The following TUBAL3 variants were observed in gnomAD, a reference collection of about 807,000 sequenced individuals.
The protein encoded by TUBAL3 is tubulin alpha like 3, also known as tubulin alpha chain-like 3.
TUBAL3 carries 16 observed loss-of-function variants against 15.5 expected under a neutral mutation model. That is an observed-to-expected ratio of 1.04 (90% confidence interval 0.70 to 1.57). The LOEUF (loss-of-function observed/expected upper bound fraction) is 1.57. TUBAL3 is among the 40% of genes most tolerant of loss of function. The pLI is 0.00. For synonymous variants in TUBAL3, 238 were observed against 224.3 expected (o/e 1.06, Z -0.55); for missense variants, 609 against 576.2 (o/e 1.06, Z -0.58).
intron 1 of TUBAL3, among the ~76,000 whole-genome samples, chr10:5,401,308 T>G (rs1831848252): frequency 6.6e-6 from 1 of 152,222 alleles, no homozygotes; most frequent in Admixed American, 6.5e-5. Context: ...ATTAAAAAGT[T>G]TATTTTAACA....
intron 1 of TUBAL3, among the ~76,000 whole-genome samples, chr10:5,403,590 TC>T (rs1298758592): frequency 6.6e-6 from 1 of 152,026 alleles, no homozygotes; most frequent in Non-Finnish European, 1.5e-5. Flanking sequence ...TTCAAGTGAC[TC>T]AGAAAGCAGA....
In TUBAL3 at chr10:5,395,333, C is replaced by A; in HGVS notation, c.390G>T (p.Arg130=). 6.4e-7 allele frequency: 1 copy of A among 1,552,676 alleles called. No homozygotes were observed. The highest frequency in any genetic ancestry group is 8.8e-7 in the Non-Finnish European group (1 of 1,142,118). ...GAGAGGGGGAGCCACTTGCCAGCTTCCGGGTCCTCTCCAGCACAAGGTCGA... is the reference window on the plus strand; with the variant it reads ...GAGAGGGGGAGCCACTTGCCAGCTTACGGGTCCTCTCCAGCACAAGGTCGA... ...EVIDLVLERT[R]KLAEQCGGLQ... Residue 130 remains arginine (R), a synonymous_variant, in exon 3 of 4, where the codon CGG becomes CGT. Coordinates refer to ENST00000380419, the MANE Select transcript of TUBAL3 (RefSeq NM_024803.3). The surrounding 1 kb of genome is among the most constrained non-coding windows in gnomAD (Gnocchi z 4.6).
rs879968561 is a variant in TUBAL3, at chr10:5,401,205, T to A, written c.4-118A>T. On this transcript the variant is annotated intron_variant, in intron 1 of 3. Coordinates refer to ENST00000380419, the MANE Select transcript of TUBAL3 (RefSeq NM_024803.3). ...AAGCTAGCTTAAGGCCACGGAGGAA[T>A]GTGTTATAAGGATAATCAAAAGCGT... The A allele has an allele frequency of 2.4e-6, 3 of 1,262,958 alleles. No individual in the cohort carries two copies. In the Admixed American group the frequency reaches 6.3e-5, roughly 27 times the overall value. 78.2% of individuals were successfully genotyped at this position (1,262,958 alleles called of 1,614,324 possible). A position where few individuals can be genotyped will look rare whatever the true frequency, so the allele number is the denominator to read the frequency against.
Position 5,397,615 on chromosome 10 carries a change from A to C in TUBAL3, c.248-2140T>G, listed in dbSNP as rs1178275953. On this transcript the variant is annotated intron_variant, in intron 2 of 3. Coordinates refer to ENST00000380419, the MANE Select transcript of TUBAL3 (RefSeq NM_024803.3). This position sits in a 1 kb window ranked among gnomAD's most constrained non-coding sequence, Gnocchi z 4.9. ...TGCCATCCACTCTAACTTCCCGGGCACAGGTTGCTCAGGGGCTTTACTACC... is the reference window on the plus strand; with the variant it reads ...TGCCATCCACTCTAACTTCCCGGGCCCAGGTTGCTCAGGGGCTTTACTACC... 6.6e-6 allele frequency among the ~76,000 whole-genome samples: 1 copy of C among 152,182 alleles called. No individual in the cohort carries two copies. Among genetic ancestry groups the C allele is most frequent in the Non-Finnish European group, 1.5e-5 (1 of 68,036 alleles).
chr10:5,402,382 G>A (rs564250235), intron 1 of TUBAL3, among the ~76,000 whole-genome samples: 2 of 152,332 alleles, frequency 1.3e-5, no homozygotes, highest in African/African-American at 4.8e-5. Flanking sequence ...TTGATTGACT[G>A]TGGTGCTGAA....
rs1193548924 is a variant in TUBAL3 at position 5,394,954 on chromosome 10, T to C, written c.396+373A>G. On this transcript the variant is annotated intron_variant, in intron 3 of 3. Coordinates refer to ENST00000380419, the MANE Select transcript of TUBAL3 (RefSeq NM_024803.3). The surrounding 1 kb of genome is among the most constrained non-coding windows in gnomAD (Gnocchi z 4.3). ...GTAAATAGAGTCACGCATCTCCAGA[T>C]AGGGAGTGCCTCTTGCTAACTTCAT... Among the ~76,000 whole-genome samples, 3 of 152,196 alleles carry C rather than the reference T, an allele frequency of 2.0e-5. No individual in the cohort carries two copies. Among genetic ancestry groups the C allele is most frequent in the Non-Finnish European group, 4.4e-5 (3 of 68,030 alleles).
chr10:5,393,521 A>G lies in TUBAL3; in HGVS notation c.1337T>C (p.Phe446Ser). ...ERDYEEVAQS[F>S] ...TTTGCACCCATCATACATGCCTCAG[A>G]AACTTTGCGCCACTTCCTCATAGTC... is the stretch of plus-strand genomic sequence containing the variant. The change falls in exon 4 of 4, where the codon TTC becomes TCC. Residue 446 changes from phenylalanine (F) to serine (S), a missense_variant. Transcript: ENST00000380419. 1 of 1,599,806 alleles carries G rather than the reference A, an allele frequency of 6.3e-7. No homozygotes were observed. The highest frequency in any genetic ancestry group is 8.5e-7 in the Non-Finnish European group (1 of 1,173,328).
At chr10:5,399,913 T>G (rs553021059) in intron 2 of TUBAL3, among the ~76,000 whole-genome samples, 1 of 152,328 alleles carries the variant, frequency 6.6e-6, no homozygotes, top group African/African-American at 2.4e-5. Flanking sequence ...CAATCATTAT[T>G]GCCTTAAACC....
intron 2 of TUBAL3, among the ~76,000 whole-genome samples, chr10:5,399,215 T>C (rs1831810584): frequency 6.6e-6 from 1 of 152,234 alleles, no homozygotes; most frequent in African/African-American, 2.4e-5. Flanking sequence ...AAAATACCTG[T>C]GCAGTTCCCC....
rs782077337 is a variant in TUBAL3 at position 5,393,635 on chromosome 10, T to C, written c.1223A>G (p.Lys408Arg). The C allele has an allele frequency of 7.4e-6, 12 of 1,614,224 alleles. No individual in the cohort carries two copies. The highest frequency in any genetic ancestry group is 1.0e-5 in the Non-Finnish European group (12 of 1,180,042). Residue 408 changes from lysine (K) to arginine (R), a missense_variant, in exon 4 of 4, where the codon AAG (lysine) becomes AGG (arginine). Lys to Arg is a conservative substitution (Grantham distance 26). Transcript: ENST00000380419. ...GAGGTACCAGTGCAGAAATGCTCTCTTGGCGTACATGAGGTCAAACTTGTG... is the reference window on the plus strand; with the variant it reads ...GAGGTACCAGTGCAGAAATGCTCTCCTGGCGTACATGAGGTCAAACTTGTG... ...LDHKFDLMYA[K>R]RAFLHWYLRE...
In TUBAL3 at chr10:5,400,985, C is replaced by T. The variant is rs1554814596; in HGVS notation, c.106G>A (p.Val36Ile). The T allele has an allele frequency of 1.1e-5, 17 of 1,614,098 alleles. No homozygotes were observed. The highest frequency in any genetic ancestry group is 1.4e-5 in the Non-Finnish European group (17 of 1,180,048). ...AGCTGATCCTGTTGAGTGTCAAGAA[C>T]AACGCCATTTGGCTGGATTCCATGT... ...LEHGIQPNGV[V>I]LDTQQDQLEN... Residue 36 changes from valine (V) to isoleucine (I), a missense_variant, in exon 2 of 4, where the codon GTT (valine) becomes ATT (isoleucine). Transcript: ENST00000380419.
Position 5,393,456 on chromosome 10 carries a change from C to T in TUBAL3, c.*61G>A, listed in dbSNP as rs1048772793. 1.6e-5 allele frequency: 24 copies of T among 1,458,444 alleles called. No individual in the cohort carries two copies. Among genetic ancestry groups the T allele is most frequent in the East Asian group, 6.8e-5 (3 of 43,898 alleles). The allele number at this position is 1,458,444 out of a possible 1,614,324, so 90.3% of individuals were successfully genotyped here. A position where few individuals can be genotyped will look rare whatever the true frequency, so the allele number is the denominator to read the frequency against. Reference sequence around the variant, plus strand: ...GGGGAACTACCCACTAGGCATATAACGGCTTGAAAAGAAAACATGCCATTT... The same window carrying T: ...GGGGAACTACCCACTAGGCATATAATGGCTTGAAAAGAAAACATGCCATTT... On this transcript the variant is annotated 3_prime_UTR_variant, in exon 4 of 4. Coordinates refer to ENST00000380419, the MANE Select transcript of TUBAL3 (RefSeq NM_024803.3).
chr10:5,395,780 C>G lies in TUBAL3; in HGVS notation c.248-305G>C, dbSNP rs1164864303. On this transcript the variant is annotated intron_variant, in intron 2 of 3. Coordinates refer to ENST00000380419, the MANE Select transcript of TUBAL3 (RefSeq NM_024803.3). The surrounding 1 kb of genome is among the most constrained non-coding windows in gnomAD (Gnocchi z 4.6). ...AATAGGAATTTATTTCCTAACAGCT[C>G]CAGAGGCTGGAAGTCTAACATCAAG... Among the ~76,000 whole-genome samples the G allele has an allele frequency of 1.3e-5, 2 of 152,306 alleles. No homozygotes were observed. The highest frequency in any genetic ancestry group is 3.9e-4 in the East Asian group (2 of 5,192).
At position 5,394,983 on chromosome 10, in the gene TUBAL3, C is replaced by T. The variant is rs577022540; in HGVS notation, c.396+344G>A. Among the ~76,000 whole-genome samples, 1 of 152,258 alleles carries T rather than the reference C, an allele frequency of 6.6e-6. No individual in the cohort carries two copies. Among genetic ancestry groups the T allele is most frequent in the East Asian group, 1.9e-4 (1 of 5,184 alleles). On this transcript the variant is annotated intron_variant, in intron 3 of 3. Coordinates refer to ENST00000380419, the MANE Select transcript of TUBAL3 (RefSeq NM_024803.3). The surrounding 1 kb of genome is among the most constrained non-coding windows in gnomAD (Gnocchi z 4.3). ...GAGTGCCTCTTGCTAACTTCATAAA[C>T]ATCAGTTACTCTTGGAAAATGACAG...
intron 1 of TUBAL3, among the ~76,000 whole-genome samples, chr10:5,404,538 C>T (rs1350663337): frequency 2.0e-5 from 3 of 152,168 alleles, no homozygotes; most frequent in Non-Finnish European, 4.4e-5. Flanking sequence ...TTCAGTGCTT[C>T]AATTAATGGC....
rs1554813719 is a variant in TUBAL3, at chr10:5,393,655, C to T, written c.1203G>A (p.Lys401=). ...CTCTCTTGGCGTACATGAGGTCAAA[C>T]TTGTGGTCCAGGCGGGCCCAGGCCT... ...IVEAWARLDH[K]FDLMYAKRAF... is the part of the protein sequence containing the mutation. Residue 401 remains lysine (K), a synonymous_variant, in exon 4 of 4, where the codon AAG becomes AAA. Coordinates refer to ENST00000380419, the MANE Select transcript of TUBAL3 (RefSeq NM_024803.3). 3 of 1,614,094 alleles carry T rather than the reference C, an allele frequency of 1.9e-6. No individual in the cohort carries two copies. The highest frequency in any genetic ancestry group is 2.7e-5 in the African/African-American group (2 of 74,932).
In TUBAL3 at chr10:5,394,123, G is replaced by C; in HGVS notation, c.735C>G (p.Ile245Met). ...GCCCTTCAAACCGGAGGGAGGCAGTGATGGAAGATACCACCTGAACCACCA... is the reference window on the plus strand; with the variant it reads ...GCCCTTCAAACCGGAGGGAGGCAGTCATGGAAGATACCACCTGAACCACCA... ...NRLVVQVVSS[I>M]TASLRFEGPL... The change falls in exon 4 of 4, where the codon ATC becomes ATG. Residue 245 changes from isoleucine to methionine, a missense_variant. Coordinates refer to ENST00000380419, the MANE Select transcript of TUBAL3 (RefSeq NM_024803.3). The surrounding 1 kb of genome is among the most constrained non-coding windows in gnomAD (Gnocchi z 4.3). The C allele has an allele frequency of 6.2e-7, 1 of 1,614,222 alleles. No individual in the cohort carries two copies. The highest frequency in any genetic ancestry group is 8.5e-7 in the Non-Finnish European group (1 of 1,180,048).
chr10:5,403,388 C>A (rs186944092), intron 1 of TUBAL3, among the ~76,000 whole-genome samples: 69 of 152,298 alleles, frequency 4.5e-4, no homozygotes, highest in African/African-American at 1.6e-3. Flanking sequence ...ATTGTTTCTA[C>A]ATCATTAAAA....
rs1487808559 is a variant in TUBAL3, at chr10:5,397,511, T to C, written c.248-2036A>G. 6.6e-6 allele frequency among the ~76,000 whole-genome samples: 1 copy of C among 152,150 alleles called. No individual in the cohort carries two copies. The highest frequency in any genetic ancestry group is 1.5e-5 in the Non-Finnish European group (1 of 68,030). The stretch of plus-strand genomic sequence containing the variant: ...GTTGAGTCGGGATCTTGAGGGTCAA[T>C]AGGTTCATAATTTATTTCCATAAAA... On this transcript the variant is annotated intron_variant, in intron 2 of 3. Transcript: ENST00000380419. This position sits in a 1 kb window ranked among gnomAD's most constrained non-coding sequence, Gnocchi z 4.9.
Sources: gnomAD v4.1 joint callset for allele counts (sites outside exome capture counted in the v4.1 genomes callset) on GRCh38, gnomAD v4.1.1 for gene constraint, Gnocchi (gnomAD v3.1) non-coding constraint, MANE v1.5 for transcripts, NCBI Gene and HGNC (gene_info 2026-07-23, HGNC 2026-07-21) for gene names.